Variants in ABCB5 observed in about 807,000 individuals in gnomAD.
ABCB5 encodes the protein ATP binding cassette subfamily B member 5.
Under a neutral mutation model 144.2 loss-of-function variants are expected in ABCB5, and 155 were observed. The observed-to-expected ratio is 1.08, with a 90% confidence interval of 0.94 to 1.23. The LOEUF (loss-of-function observed/expected upper bound fraction) is 1.23, where lower values mean the gene tolerates loss of function less well. Among genes scored for constraint, ABCB5 ranks in the 50% most tolerant of loss-of-function variants. The probability of loss-of-function intolerance (pLI) is 0.00; values close to 1 mark genes in which losing one functional copy is unlikely to be tolerated. For synonymous variants in ABCB5, 610 were observed against 528.6 expected (o/e 1.15, Z -2.11); for missense variants, 1,830 against 1,520.8 (o/e 1.20, Z -3.38).
In ABCB5 at chr7:20,756,221, T is replaced by C. The variant is rs1205304882; in HGVS notation, c.*597T>C. ...AATTTCTGGGAGGATTAGGTAGCTA[T>C]CTCCTACTTCACCAGTAAGTGAAGT... is the stretch of plus-strand genomic sequence containing the variant. On this transcript the variant is annotated 3_prime_UTR_variant, in exon 28 of 28. Coordinates refer to ENST00000404938, the MANE Select transcript of ABCB5 (RefSeq NM_001163941.2). 6.6e-6 allele frequency: 1 copy of C among 152,518 alleles called. No homozygotes were observed. The highest frequency in any genetic ancestry group is 1.5e-5 in the Non-Finnish European group (1 of 68,170). 9.4% of individuals were successfully genotyped at this position (152,518 alleles called of 1,614,324 possible). A position where few individuals can be genotyped will look rare whatever the true frequency, so the allele number is the denominator to read the frequency against.
chr7:20,687,067 A>G (rs1786026934), intron 16 of ABCB5, among the ~76,000 whole-genome samples: 1 of 152,234 alleles, frequency 6.6e-6, no homozygotes, highest in South Asian at 2.1e-4. Context: ...TGCAAAGAAA[A>G]ATAATGGTAT....
Position 20,681,644 on chromosome 7 carries a change from A to G in ABCB5, c.1847A>G (p.Tyr616Cys), listed in dbSNP as rs200703206. The G allele has an allele frequency of 7.5e-5, 121 of 1,614,120 alleles. No individual in the cohort carries two copies. In the East Asian group the frequency reaches 2.5e-3, roughly 34 times the overall value. Residue 616 changes from tyrosine to cysteine, a missense_variant, in exon 15 of 28, where the codon TAT becomes TGT. Coordinates refer to ENST00000404938, the MANE Select transcript of ABCB5 (RefSeq NM_001163941.2). ...HAELMAKRGL[Y>C]YSLVMSQDIK... ...GAACTAATGGCAAAACGAGGTCTAT[A>G]TTATTCACTTGTGATGTCACAGGTA...
At chr7:20,720,269 T>C (rs1487215420) in intron 20 of ABCB5, among the ~76,000 whole-genome samples, 1 of 152,246 alleles carries the variant, frequency 6.6e-6, no homozygotes, top group Non-Finnish European at 1.5e-5. Flanking sequence ...TAACAGGTTA[T>C]AAACAACTGA....
intron 26 of ABCB5, among the ~76,000 whole-genome samples, chr7:20,746,873 CTA>C (rs1242235324): frequency 3.9e-5 from 6 of 152,178 alleles, no homozygotes; most frequent in Non-Finnish European, 7.3e-5. Context: ...AACTAAGTTT[CTA>C]TCTCACTTTA....
chr7:20,707,801 C>CTTTTTTTTTTTTTTTTTTTT (rs67014566), intron 20 of ABCB5, among the ~76,000 whole-genome samples: 1 of 93,088 alleles, frequency 1.1e-5, no homozygotes, highest in Non-Finnish European at 2.0e-5. Context: ...AACCTCATTT[C>CTTTTTTTTTTTTTTTTTTTT]TTTTTTTTTT....
chr7:20,723,906 G>C (rs1381811626), intron 21 of ABCB5, among the ~76,000 whole-genome samples: 1 of 152,082 alleles, frequency 6.6e-6, no homozygotes, highest in African/African-American at 2.4e-5. Context: ...TGGACATACA[G>C]GTATTTAAGC....
intron 5 of ABCB5, among the ~76,000 whole-genome samples, chr7:20,637,924 G>C (rs138475554): frequency 1.3e-5 from 2 of 152,066 alleles, no homozygotes; most frequent in African/African-American, 2.4e-5. Context: ...GAAAGCTAAG[G>C]CCTCAAGGGT....
chr7:20,669,326 GC>G (rs1295177375), intron 14 of ABCB5, among the ~76,000 whole-genome samples: 3 of 147,518 alleles, frequency 2.0e-5, no homozygotes, highest in African/African-American at 7.7e-5. Flanking sequence ...TCGGATGGTT[GC>G]CGGGTCTGTG....
At chr7:20,658,139 CT>C (rs1447262311) in intron 13 of ABCB5, among the ~76,000 whole-genome samples, 1 of 152,006 alleles carries the variant, frequency 6.6e-6, no homozygotes, top group Non-Finnish European at 1.5e-5. Context: ...CTAATAAACA[CT>C]GCAGAAAATA....
chr7:20,755,008 G>A (rs1385553972), intron 27 of ABCB5, among the ~76,000 whole-genome samples: 1 of 151,454 alleles, frequency 6.6e-6, no homozygotes, highest in African/African-American at 2.4e-5. Flanking sequence ...GGAGTGCAAT[G>A]GCACGATCTC....
intron 20 of ABCB5, among the ~76,000 whole-genome samples, chr7:20,709,954 A>G (rs1786966497): frequency 6.7e-6 from 1 of 148,630 alleles, no homozygotes; most frequent in South Asian, 2.2e-4. Context: ...GGGTGCCTGT[A>G]ATCACAGCCA....
In ABCB5 at chr7:20,728,369, C is replaced by A; in HGVS notation, c.2781C>A (p.Ala927=). 1.2e-6 allele frequency: 2 copies of A among 1,614,118 alleles called. No individual in the cohort carries two copies. The highest frequency in any genetic ancestry group is 1.7e-6 in the Non-Finnish European group (2 of 1,180,008). Residue 927 remains alanine (A), a synonymous_variant, in exon 23 of 28, where the codon GCC becomes GCA. Coordinates refer to ENST00000404938, the MANE Select transcript of ABCB5 (RefSeq NM_001163941.2). ...IIGSCYAFSH[A]FIYFAYAAGF... The stretch of plus-strand genomic sequence containing the variant: ...GAAGCTGTTATGCATTCAGCCATGC[C>A]TTTATATATTTTGCCTATGCGGCAG...
chr7:20,673,740 G>T (rs1368739098), intron 14 of ABCB5, among the ~76,000 whole-genome samples: 1 of 151,912 alleles, frequency 6.6e-6, no homozygotes, highest in African/African-American at 2.4e-5. Context: ...TAATTGGAGT[G>T]TTTAGACCAT....
intron 19 of ABCB5, among the ~76,000 whole-genome samples, chr7:20,703,594 G>A (rs1418800733): frequency 7.1e-6 from 1 of 141,630 alleles, no homozygotes; most frequent in African/African-American, 2.6e-5. Context: ...CAGAGCCCTG[G>A]CTGGGTTGCA....
chr7:20,737,859 C>G (rs1782438230), intron 23 of ABCB5, among the ~76,000 whole-genome samples: 1 of 152,180 alleles, frequency 6.6e-6, no homozygotes, highest in African/African-American at 2.4e-5. Flanking sequence ...TAAACACTTT[C>G]TGTAAATATC....
chr7:20,669,109 G>T (rs1233382640), intron 14 of ABCB5, among the ~76,000 whole-genome samples: 7 of 150,794 alleles, frequency 4.6e-5, no homozygotes, highest in African/African-American at 9.8e-5. Context: ...GGTGGGGGGG[G>T]TCAGCCCCCC....
intron 14 of ABCB5, chr7:20,666,874 T>C: frequency 7.4e-7 from 1 of 1,346,490 alleles, no homozygotes; most frequent in Non-Finnish European, 9.6e-7. Context: ...TAATTCTGGC[T>C]AAAAGACAGC....
At chr7:20,749,954 T>A (rs1293081155) in intron 26 of ABCB5, among the ~76,000 whole-genome samples, 1 of 152,240 alleles carries the variant, frequency 6.6e-6, no homozygotes, top group African/African-American at 2.4e-5. Flanking sequence ...GAATAGAGTA[T>A]ATAAAGCTAT....
At chr7:20,700,178 A>T (rs1031695172) in intron 19 of ABCB5, 43 bp downstream of exon 19, 1 of 1,441,230 alleles carries the variant, frequency 6.9e-7, no homozygotes, top group Admixed American at 2.0e-5. Flanking sequence ...TTTAAAATTT[A>T]TTGTAAAACA....
Sources: gnomAD v4.1 joint callset for allele counts (sites outside exome capture counted in the v4.1 genomes callset) on GRCh38, gnomAD v4.1.1 for gene constraint, MANE v1.5 for transcripts, NCBI Gene and HGNC (gene_info 2026-07-23, HGNC 2026-07-21) for gene names.